The following OTOP1 variants were observed in gnomAD, a reference collection of about 807,000 sequenced individuals.
OTOP1 encodes proton channel OTOP1.
OTOP1 carries 59 observed loss-of-function variants against 52.9 expected under a neutral mutation model. That is an observed-to-expected ratio of 1.12 (90% CI 0.91 to 1.39). The LOEUF is 1.39. Ranked by LOEUF, OTOP1 falls within the 40% of genes most tolerant of loss-of-function variation. OTOP1 has a pLI of 0.00. For synonymous variants in OTOP1, 317 were observed against 337.7 expected, an observed-to-expected ratio of 0.94 and a Z score of 0.67; for missense variants, 761 against 800.9, an observed-to-expected ratio of 0.95 and a Z score of 0.60.
intron 1 of OTOP1, among the ~76,000 whole-genome samples, chr4:4,223,800 G>A (rs538676159): frequency 1.7e-3 from 260 of 152,134 alleles, no homozygotes; most frequent in African/African-American, 6.0e-3. Flanking sequence ...CTACTCAGGA[G>A]GCTGAGGCAG....
In OTOP1 at chr4:4,197,756, G is replaced by A; in HGVS notation, c.1078C>T (p.Leu360Phe). ...CCAGCCAGCCCCGCAGCCCCCATAA[G>A]CATCAGCAGGGTGATGGCATACAGG... ...FYLYAITLLM[L>F]MGAAGLAGIR... The change falls in exon 5 of 6, where the codon CTT becomes TTT. Residue 360 changes from leucine to phenylalanine, a missense_variant. Leu to Phe is a conservative substitution (Grantham distance 22). Transcript: ENST00000296358. 1 of 1,613,974 alleles carries A rather than the reference G, an allele frequency of 6.2e-7. No homozygotes were observed. The highest frequency in any genetic ancestry group is 2.2e-5 in the East Asian group (1 of 44,856).
At chr4:4,216,827 C>T (rs1427076202) in intron 1 of OTOP1, among the ~76,000 whole-genome samples, 2 of 152,222 alleles carry the variant, frequency 1.3e-5, no homozygotes, top group Admixed American at 6.5e-5. Flanking sequence ...ACTTCCTGCT[C>T]CCAGCCTCAG....
At chr4:4,213,943 G>A (rs1352851750) in intron 1 of OTOP1, among the ~76,000 whole-genome samples, 1 of 152,108 alleles carries the variant, frequency 6.6e-6, no homozygotes, top group Non-Finnish European at 1.5e-5. Context: ...ACAAAAATTA[G>A]CCTTGGTATG....
At position 4,188,936 on chromosome 4, in the gene OTOP1, T is replaced by C; in HGVS notation, c.1706A>G (p.Tyr569Cys). Residue 569 changes from tyrosine (Y) to cysteine (C), a missense_variant, in exon 6 of 6, where the codon TAT becomes TGT. Around this residue, in one of 3 missense-constraint regions of OTOP1, gnomAD observed 632 missense variants for 619.5 expected, o/e 1.02. Transcript: ENST00000296358. ...GACAATCTCCTCCAATCCATTGTCATACTCAGGTCGACAGCCAAAGGCGGG... is the reference window on the plus strand; with the variant it reads ...GACAATCTCCTCCAATCCATTGTCACACTCAGGTCGACAGCCAAAGGCGGG... ...IPPAFGCRPE[Y>C]DNGLEEIVFG... The C allele has an allele frequency of 1.2e-6, 2 of 1,613,708 alleles. No homozygotes were observed. The highest frequency in any genetic ancestry group is 1.7e-6 in the Non-Finnish European group (2 of 1,179,724).
intron 5 of OTOP1, among the ~76,000 whole-genome samples, chr4:4,191,787 C>T (rs1209708868): frequency 6.6e-6 from 1 of 152,174 alleles, no homozygotes; most frequent in Admixed American, 6.5e-5. Flanking sequence ...CTGCTGTTGC[C>T]TGGTTTGTAA....
Position 4,220,105 on chromosome 4 carries a change from A to ATATT in OTOP1, c.403+6356_403+6357insAATA, listed in dbSNP as rs1434375771. Among the ~76,000 whole-genome samples the ATATT allele has an allele frequency of 2.5e-3, 150 of 59,390 alleles. 1 individual carries two copies. Among genetic ancestry groups the ATATT allele is most frequent in the South Asian group, 4.6e-3 (9 of 1,964 alleles). 39.0% of individuals were successfully genotyped at this position (59,390 alleles called of 152,430 possible). On this transcript the variant is annotated intron_variant, in intron 1 of 5. Transcript: ENST00000296358. ...CATATATATATATATATATATATAT[A>ATATT]TTTTTTTTTTTTTTGAGATGGAGTT...
intron 1 of OTOP1, among the ~76,000 whole-genome samples, chr4:4,226,104 TC>T (rs1221350404): frequency 2.6e-5 from 4 of 152,088 alleles, no homozygotes; most frequent in Non-Finnish European, 5.9e-5. Flanking sequence ...AAACGGGCCC[TC>T]GGGGGCCGAG....
chr4:4,189,729 C>T (rs1373278380), intron 5 of OTOP1, among the ~76,000 whole-genome samples: 1 of 152,250 alleles, frequency 6.6e-6, no homozygotes, highest in Non-Finnish European at 1.5e-5. Context: ...GCAGAGCTGC[C>T]ATGCTGTGAA....
intron 2 of OTOP1, 29 bp downstream of exon 2, chr4:4,212,839 G>A: frequency 1.9e-6 from 3 of 1,612,280 alleles, no homozygotes; most frequent in South Asian, 1.1e-5. Context: ...ATAGGAATGA[G>A]ACAATATAAA....
At chr4:4,191,982 T>G (rs1716519383) in intron 5 of OTOP1, among the ~76,000 whole-genome samples, 1 of 152,198 alleles carries the variant, frequency 6.6e-6, no homozygotes, top group South Asian at 2.1e-4. Context: ...TTTTCTGAAA[T>G]CCACATCTTT....
intron 5 of OTOP1, among the ~76,000 whole-genome samples, chr4:4,196,224 GC>G (rs1460633355): frequency 2.6e-5 from 4 of 151,408 alleles, no homozygotes; most frequent in Non-Finnish European, 5.9e-5. Flanking sequence ...TTCAAGACAA[GC>G]CTGGGCAGCA....
rs1716668808 is a variant in OTOP1 at position 4,197,531 on chromosome 4, C to T, written c.1303G>A (p.Glu435Lys). 1.9e-6 allele frequency: 3 copies of T among 1,613,918 alleles called. No homozygotes were observed. The highest frequency in any genetic ancestry group is 1.7e-5 in the Admixed American group (1 of 59,980). Residue 435 changes from glutamate to lysine, a missense_variant, in exon 5 of 6, where the codon GAG becomes AAG. Coordinates refer to ENST00000296358, the MANE Select transcript of OTOP1 (RefSeq NM_177998.3). ...ATGAAGAGGTTCTGGATGTACTTCT[C>T]CACGATCGCCAGGATGGAGTAGGGC... ...NLPYSILAIVEKYIQNLFIFE... is the reference protein window; with the variant it reads ...NLPYSILAIVKKYIQNLFIFE...
intron 1 of OTOP1, among the ~76,000 whole-genome samples, chr4:4,226,008 G>A (rs1398710940): frequency 6.6e-6 from 1 of 152,232 alleles, no homozygotes; most frequent in African/African-American, 2.4e-5. Flanking sequence ...GGTGCCGAAT[G>A]TGCAGAGGCA....
At chr4:4,219,437 C>G (rs1199564775) in intron 1 of OTOP1, among the ~76,000 whole-genome samples, 1 of 151,956 alleles carries the variant, frequency 6.6e-6, no homozygotes, top group East Asian at 1.9e-4. Flanking sequence ...CGCGGTGGCT[C>G]ACGCCTGTAA....
At chr4:4,209,899 C>T (rs1231999931) in intron 2 of OTOP1, among the ~76,000 whole-genome samples, 2 of 152,150 alleles carry the variant, frequency 1.3e-5, no homozygotes, top group African/African-American at 4.8e-5. Flanking sequence ...ATCCCAAAGA[C>T]ACCCTCTTCC....
At chr4:4,198,296 T>C (rs1236856132) in intron 4 of OTOP1, among the ~76,000 whole-genome samples, 193 bp from the exon 5 acceptor site, 1 of 152,192 alleles carries the variant, frequency 6.6e-6, no homozygotes, top group African/African-American at 2.4e-5. Context: ...CCCCAAAGCA[T>C]ATTCATTACC....
chr4:4,213,066 A>G lies in OTOP1; in HGVS notation c.404-62T>C. 3.2e-6 allele frequency: 5 copies of G among 1,561,856 alleles called. No individual in the cohort carries two copies. In the South Asian group the frequency reaches 4.5e-5, roughly 14 times the overall value. On this transcript the variant is annotated intron_variant, in intron 1 of 5. Coordinates refer to ENST00000296358, the MANE Select transcript of OTOP1 (RefSeq NM_177998.3). ...CATTGCATTAACATACATTGATGTCATTTCAAAATAAATTATATTGTGTAT... is the reference window on the plus strand; with the variant it reads ...CATTGCATTAACATACATTGATGTCGTTTCAAAATAAATTATATTGTGTAT...
intron 1 of OTOP1, among the ~76,000 whole-genome samples, chr4:4,219,790 T>C (rs1474919291): frequency 6.8e-6 from 1 of 147,554 alleles, no homozygotes; most frequent in Non-Finnish European, 1.5e-5. Context: ...TGCACATATA[T>C]ATGTATAAAT....
intron 4 of OTOP1, among the ~76,000 whole-genome samples, chr4:4,201,467 TATATAC>T (rs1263250268): frequency 1.6e-5 from 2 of 126,290 alleles, no homozygotes; most frequent in African/African-American, 3.1e-5. Context: ...TAAATATATA[TATATAC>T]ACACACACAC....
Sources: gnomAD v4.1 joint callset for allele counts (sites outside exome capture counted in the v4.1 genomes callset) on GRCh38, gnomAD v4.1.1 for gene constraint, gnomAD v4.1.1 regional missense constraint, MANE v1.5 for transcripts, NCBI Gene and HGNC (gene_info 2026-07-23, HGNC 2026-07-21) for gene names.